OSTN: variants seen among roughly 807,000 people sequenced by gnomAD.
OSTN encodes osteocrin.
Under a neutral mutation model 12.0 loss-of-function variants are expected in OSTN, and 9 were observed. The ratio of observed to expected loss-of-function variants is 0.75; its 90% CI spans 0.45 to 1.30. The LOEUF is 1.30. Ranked by LOEUF, OSTN falls within the 50% of genes most tolerant of loss-of-function variation. The pLI is 0.00. For missense variants in OSTN, 148 were observed against 152.3 expected, an observed-to-expected ratio of 0.97 and a Z score of 0.15; for synonymous variants, 59 against 56.9, an observed-to-expected ratio of 1.04 and a Z score of -0.16.
rs962194257 is a variant in OSTN at position 191,265,030 on chromosome 3, T to C, written c.*2177T>C. ...GTTTTCTCCACTTATAACTCTATTT[T>C]ATTTCATATTTTAATTTTTACCACT... On this transcript the variant is annotated 3_prime_UTR_variant, in exon 5 of 5. Coordinates refer to ENST00000682035, the MANE Select transcript of OSTN (RefSeq NM_198184.2). 5.9e-5 allele frequency: 9 copies of C among 152,196 alleles called. No individual in the cohort carries two copies. Among genetic ancestry groups the C allele is most frequent in the African/African-American group, 1.9e-4 (8 of 41,468 alleles). The allele number at this position is 152,196 out of a possible 1,614,324, so 9.4% of individuals were successfully genotyped here.
At chr3:191,224,844 A>G (rs1236708641) in intron 3 of OSTN, among the ~76,000 whole-genome samples, 6 of 152,212 alleles carry the variant, frequency 3.9e-5, no homozygotes, top group Non-Finnish European at 8.8e-5. Context: ...TGATGGGCAG[A>G]AAAGAAAATA....
chr3:191,252,105 G>A (rs2108553163), intron 4 of OSTN, among the ~76,000 whole-genome samples: 1 of 152,224 alleles, frequency 6.6e-6, no homozygotes, highest in Admixed American at 6.5e-5. Context: ...CTTTTATCAG[G>A]CTGAAGTGCA....
intron 3 of OSTN, among the ~76,000 whole-genome samples, chr3:191,246,505 C>T (rs929466481): frequency 1.3e-5 from 2 of 151,344 alleles, no homozygotes; most frequent in Non-Finnish European, 2.9e-5. Flanking sequence ...ACTCAAGAGG[C>T]TGAGGCAGGA....
intron 1 of OSTN, among the ~76,000 whole-genome samples, chr3:191,208,912 C>G (rs1002111240): frequency 6.6e-6 from 1 of 152,194 alleles, no homozygotes; most frequent in Admixed American, 6.5e-5. Flanking sequence ...AATCCCAGCA[C>G]TTTGGGAGTC....
chr3:191,200,005 C>G (rs1714117972), intron 1 of OSTN, among the ~76,000 whole-genome samples: 1 of 152,060 alleles, frequency 6.6e-6, no homozygotes. Context: ...TCTAACAATT[C>G]AAATGTTGTT....
At chr3:191,235,959 A>AT (rs1715178597) in intron 3 of OSTN, among the ~76,000 whole-genome samples, 1 of 152,224 alleles carries the variant, frequency 6.6e-6, no homozygotes, top group Non-Finnish European at 1.5e-5. Flanking sequence ...CAATGGACAT[A>AT]TTTTAAACTC....
At chr3:191,241,167 CTTTTTTTTTTTTTTTTT>C (rs575332839) in intron 3 of OSTN, among the ~76,000 whole-genome samples, 1 of 46,444 alleles carries the variant, frequency 2.2e-5, no homozygotes, top group East Asian at 8.9e-4. Flanking sequence ...TGTGCCTTGA[CTTTTTTTTTTTTTTTTT>C]TTTTTTTTTT....
chr3:191,232,787 G>C (rs1020006768), intron 3 of OSTN, among the ~76,000 whole-genome samples: 2 of 151,852 alleles, frequency 1.3e-5, no homozygotes, highest in African/African-American at 4.8e-5. Context: ...GCTAATTTTT[G>C]TATTTTTAGT....
At chr3:191,207,553 A>G (rs527760059) in intron 1 of OSTN, among the ~76,000 whole-genome samples, 1 of 152,310 alleles carries the variant, frequency 6.6e-6, no homozygotes, top group South Asian at 2.1e-4. Flanking sequence ...TCTTTTGTAG[A>G]TAAATGATTT....
intron 3 of OSTN, among the ~76,000 whole-genome samples, chr3:191,231,000 A>G (rs150830657): frequency 6.6e-6 from 1 of 152,290 alleles, no homozygotes; most frequent in African/African-American, 2.4e-5. Flanking sequence ...ATCCCTCCGA[A>G]TGCATACTCT....
chr3:191,245,599 T>G (rs1209239026), intron 3 of OSTN, among the ~76,000 whole-genome samples: 1 of 152,178 alleles, frequency 6.6e-6, no homozygotes, highest in Admixed American at 6.5e-5. Context: ...ACAGAATTTA[T>G]TTTGCTTTCC....
chr3:191,208,405 A>G (rs1050488023), intron 1 of OSTN, among the ~76,000 whole-genome samples: 3 of 152,236 alleles, frequency 2.0e-5, no homozygotes, highest in African/African-American at 7.2e-5. Context: ...GGCAGGTGCC[A>G]GGGTGTTTGT....
At chr3:191,210,882 C>T (rs546822614) in intron 1 of OSTN, among the ~76,000 whole-genome samples, 51 of 152,282 alleles carry the variant, frequency 3.3e-4, no homozygotes, top group African/African-American at 1.1e-3. Flanking sequence ...CCCCATTTTA[C>T]CTACAGTTTT....
At chr3:191,210,332 C>T (rs576027648) in intron 1 of OSTN, among the ~76,000 whole-genome samples, 27 of 152,308 alleles carry the variant, frequency 1.8e-4, no homozygotes, top group Admixed American at 6.5e-4. Flanking sequence ...GCACCCGAGC[C>T]TCTGCCTCTG....
chr3:191,223,840 A>G (rs540038626), intron 3 of OSTN, among the ~76,000 whole-genome samples: 29 of 152,288 alleles, frequency 1.9e-4, no homozygotes, highest in African/African-American at 6.7e-4. Context: ...AATCTATTAT[A>G]TCAATAAATG....
intron 3 of OSTN, among the ~76,000 whole-genome samples, chr3:191,244,790 G>T (rs1019669200): frequency 6.6e-6 from 1 of 150,582 alleles, no homozygotes; most frequent in Non-Finnish European, 1.5e-5. Context: ...ATTTTAAAAT[G>T]AATTGATTTT....
chr3:191,224,974 AAATT>A (rs1030024191), intron 3 of OSTN, among the ~76,000 whole-genome samples: 17 of 152,106 alleles, frequency 1.1e-4, no homozygotes, highest in African/African-American at 4.1e-4. Context: ...CATAAGGTAA[AAATT>A]AACAATGATG....
At chr3:191,206,988 T>C (rs912788408) in intron 1 of OSTN, among the ~76,000 whole-genome samples, 1 of 152,180 alleles carries the variant, frequency 6.6e-6, no homozygotes, top group African/African-American at 2.4e-5. Context: ...ATTATTTCAA[T>C]GGGAGAAGAT....
At chr3:191,223,999 G>GA (rs909734785) in intron 3 of OSTN, among the ~76,000 whole-genome samples, 16 of 149,412 alleles carry the variant, frequency 1.1e-4, no homozygotes, top group South Asian at 2.1e-4. Context: ...AACGATACCA[G>GA]AAAAAAAAAT....
Sources: gnomAD v4.1 joint callset for allele counts (sites outside exome capture counted in the v4.1 genomes callset) on GRCh38, gnomAD v4.1.1 for gene constraint, MANE v1.5 for transcripts, NCBI Gene and HGNC (gene_info 2026-07-23, HGNC 2026-07-21) for gene names.